DLGAP1: variants seen among roughly 807,000 people sequenced by gnomAD.
DLGAP1 encodes DLG associated protein 1, also known as disks large-associated protein 1.
In DLGAP1, 11 loss-of-function variants were observed where a neutral mutation model predicts 90.8. The observed-to-expected ratio is 0.12, with a 90% CI of 0.08 to 0.20. The LOEUF (loss-of-function observed/expected upper bound fraction) is 0.20, where lower values mean the gene tolerates loss of function less well. Ranked by LOEUF, DLGAP1 falls within the 10% of genes least tolerant of loss-of-function variation. DLGAP1 has a pLI of 1.00. For missense variants in DLGAP1, 1,050 were observed against 1,333.8 expected, an observed-to-expected ratio of 0.79 and a Z score of 3.31; for synonymous variants, 558 against 540.7, an observed-to-expected ratio of 1.03 and a Z score of -0.44.
chr18:3,804,480 A>T lies in DLGAP1; in HGVS notation c.1172+9579T>A, dbSNP rs75250022. On this transcript the variant is annotated intron_variant, in intron 5 of 12. Transcript: ENST00000315677. Reference sequence around the variant, plus strand: ...AACAATACTAGGGATGGCTGCGTGGATATTTTTAACATGCTAATGTGTACC... The same window carrying T: ...AACAATACTAGGGATGGCTGCGTGGTTATTTTTAACATGCTAATGTGTACC... Among the ~76,000 whole-genome samples the T allele has an allele frequency of 1.6e-3, 238 of 152,330 alleles. 1 individual carries two copies. The highest frequency in any genetic ancestry group is 2.4e-3 in the Non-Finnish European group (164 of 68,032).
At chr18:3,878,699 T>C (rs1309259404) in intron 4 of DLGAP1, among the ~76,000 whole-genome samples, 1 of 150,866 alleles carries the variant, frequency 6.6e-6, no homozygotes, top group Admixed American at 6.6e-5. Context: ...CACAAAACCC[T>C]GAATAGATCT....
At chr18:3,841,984 A>T (rs1014442544) in intron 4 of DLGAP1, among the ~76,000 whole-genome samples, 1 of 152,120 alleles carries the variant, frequency 6.6e-6, no homozygotes, top group African/African-American at 2.4e-5. Flanking sequence ...GGGTGCTATG[A>T]GAGCATATTG....
chr18:4,240,786 G>T (rs1300740993), intron 1 of DLGAP1, among the ~76,000 whole-genome samples: 1 of 152,168 alleles, frequency 6.6e-6, no homozygotes, highest in East Asian at 1.9e-4. Flanking sequence ...ATTGGCAAAA[G>T]TTTCAAATCT....
chr18:3,741,219 ACATCACCATCACCACCACCAC>A (rs2062993262), intron 6 of DLGAP1, among the ~76,000 whole-genome samples: 1 of 85,676 alleles, frequency 1.2e-5, no homozygotes, highest in Admixed American at 1.4e-4. Flanking sequence ...CACCACCACC[ACATCACCATCACCACCACCAC>A]CATCACCATC....
chr18:4,289,939 T>G lies in DLGAP1; in HGVS notation c.-266-138652A>C, dbSNP rs139212140. On this transcript the variant is annotated intron_variant, in intron 1 of 12. Coordinates refer to ENST00000315677, the MANE Select transcript of DLGAP1 (RefSeq NM_004746.4). ...GAGAATTTTTCTGTCTCCTTTCAAT[T>G]TTTATCTTTGAGACTCTTCATCTTT... Among the ~76,000 whole-genome samples, 438 of 152,320 alleles carry G rather than the reference T, an allele frequency of 2.9e-3. 1 individual carries two copies. Among genetic ancestry groups the G allele is most frequent in the African/African-American group, 0.01 (424 of 41,576 alleles).
At chr18:4,200,228 G>T (rs2077582605) in intron 1 of DLGAP1, among the ~76,000 whole-genome samples, 1 of 151,948 alleles carries the variant, frequency 6.6e-6, no homozygotes, top group East Asian at 1.9e-4. Flanking sequence ...TAACAAATCT[G>T]TCAAATTATA....
intron 2 of DLGAP1, among the ~76,000 whole-genome samples, chr18:4,039,140 T>A (rs901855869): frequency 2.0e-5 from 3 of 152,318 alleles, no homozygotes; most frequent in Admixed American, 2.0e-4. Context: ...TTAGAAATAT[T>A]TTTTTCATAC....
At chr18:4,251,558 G>A (rs556512518) in intron 1 of DLGAP1, among the ~76,000 whole-genome samples, 2 of 152,332 alleles carry the variant, frequency 1.3e-5, no homozygotes, top group Non-Finnish European at 2.9e-5. Flanking sequence ...AGATGCCCAT[G>A]ACAGTTTATC....
intron 6 of DLGAP1, among the ~76,000 whole-genome samples, chr18:3,737,427 G>T (rs1325332756): frequency 8.0e-5 from 11 of 137,880 alleles, no homozygotes; most frequent in South Asian, 7.5e-4. Context: ...TATCCACCAT[G>T]ATCAAGTGGG....
At chr18:3,760,736 C>T (rs534410466) in intron 5 of DLGAP1, among the ~76,000 whole-genome samples, 1 of 152,346 alleles carries the variant, frequency 6.6e-6, no homozygotes, top group South Asian at 2.1e-4. Context: ...CTCAAAATAA[C>T]TCCTGCAATT....
chr18:4,235,307 A>G (rs1046901926), intron 1 of DLGAP1, among the ~76,000 whole-genome samples: 11 of 152,282 alleles, frequency 7.2e-5, no homozygotes, highest in African/African-American at 2.4e-4. Context: ...AAGTGCATAT[A>G]TTCAATGGAG....
chr18:3,508,850 T>C (rs971007426), intron 10 of DLGAP1, among the ~76,000 whole-genome samples, 189 bp from the exon 11 acceptor site: 2 of 152,178 alleles, frequency 1.3e-5, no homozygotes, highest in African/African-American at 4.8e-5. Context: ...CAGAGGCTCC[T>C]GGGTTAAAGT....
At chr18:4,095,273 G>A (rs1255295458) in intron 2 of DLGAP1, among the ~76,000 whole-genome samples, 1 of 152,138 alleles carries the variant, frequency 6.6e-6, no homozygotes, top group Non-Finnish European at 1.5e-5. Context: ...GTTTTGGAAA[G>A]AGAATAAACA....
At chr18:4,265,600 T>TTTCC (rs2079101791) in intron 1 of DLGAP1, among the ~76,000 whole-genome samples, 1 of 116,974 alleles carries the variant, frequency 8.5e-6, no homozygotes. Context: ...TTTTGCTTTC[T>TTTCC]TTCCTTCCTT....
At chr18:3,897,434 C>A (rs1348773418) in intron 3 of DLGAP1, among the ~76,000 whole-genome samples, 1 of 152,166 alleles carries the variant, frequency 6.6e-6, no homozygotes, top group Non-Finnish European at 1.5e-5. Context: ...TATTCAACAT[C>A]TACTAAATGA....
intron 3 of DLGAP1, among the ~76,000 whole-genome samples, chr18:3,981,590 T>C (rs1234679318): frequency 6.6e-6 from 1 of 152,238 alleles, no homozygotes; most frequent in Non-Finnish European, 1.5e-5. Context: ...CAGAAGGCTC[T>C]ATAACTAAGA....
intron 1 of DLGAP1, among the ~76,000 whole-genome samples, chr18:4,340,627 C>A (rs898731199): frequency 2.6e-5 from 4 of 151,070 alleles, no homozygotes; most frequent in South Asian, 2.1e-4. Context: ...AAAAAAAAAA[C>A]CCAAAAAACT....
At chr18:4,453,910 G>C (rs2083899493) in intron 1 of DLGAP1, among the ~76,000 whole-genome samples, 1 of 152,050 alleles carries the variant, frequency 6.6e-6, no homozygotes, top group Non-Finnish European at 1.5e-5. Flanking sequence ...ACTGCTTGCC[G>C]CCTGGCTACC....
At position 3,789,672 on chromosome 18, in the gene DLGAP1, C is replaced by A. The variant is rs1227761281; in HGVS notation, c.1172+24387G>T. Reference sequence around the variant, plus strand: ...ATCACTTAAGTCAACAGGAAAGTTCCTAGAAGATAGTGGTCAACAGTGTAA... The same window carrying A: ...ATCACTTAAGTCAACAGGAAAGTTCATAGAAGATAGTGGTCAACAGTGTAA... On this transcript the variant is annotated intron_variant, in intron 5 of 12. Coordinates refer to ENST00000315677, the MANE Select transcript of DLGAP1 (RefSeq NM_004746.4). Among the ~76,000 whole-genome samples the A allele has an allele frequency of 2.6e-5, 4 of 152,046 alleles. No individual in the cohort carries two copies. The South Asian group carries it at 8.3e-4, about 32-fold the overall frequency.
Sources: gnomAD v4.1 joint callset for allele counts (sites outside exome capture counted in the v4.1 genomes callset) on GRCh38, gnomAD v4.1.1 for gene constraint, MANE v1.5 for transcripts, NCBI Gene and HGNC (gene_info 2026-07-23, HGNC 2026-07-21) for gene names.